The following PHF14 variants were observed in gnomAD, a reference collection of about 807,000 sequenced individuals.
PHF14 encodes PHD finger protein 14.
Under a neutral mutation model 117.9 loss-of-function variants are expected in PHF14, and 55 were observed. The ratio of observed to expected loss-of-function variants is 0.47; its 90% CI spans 0.38 to 0.58. PHF14 has a LOEUF of 0.58. Ranked by LOEUF, PHF14 falls within the 20% of genes least tolerant of loss-of-function variation. The pLI is 0.00. For synonymous variants in PHF14, 409 were observed against 368.6 expected (o/e 1.11, Z -1.26); for missense variants, 978 against 1,122.2 (o/e 0.87, Z 1.84).
intron 16 of PHF14, among the ~76,000 whole-genome samples, chr7:11,095,785 A>G (rs1214314597): frequency 6.6e-6 from 1 of 152,198 alleles, no homozygotes; most frequent in Non-Finnish European, 1.5e-5. Flanking sequence ...GTAAGTATCA[A>G]GCATCATCAC....
chr7:11,012,925 C>A (rs1373226592), intron 4 of PHF14, among the ~76,000 whole-genome samples: 1 of 152,132 alleles, frequency 6.6e-6, no homozygotes, highest in Non-Finnish European at 1.5e-5. Flanking sequence ...ACTTTTCAAA[C>A]TGTTCTATAG....
chr7:11,064,307 C>T (rs1430694893), intron 16 of PHF14, among the ~76,000 whole-genome samples: 2 of 150,830 alleles, frequency 1.3e-5, no homozygotes, highest in African/African-American at 4.9e-5. Context: ...TGAAAATCAC[C>T]CCCCAAAAGT....
chr7:11,023,083 G>C, intron 6 of PHF14, 104 bp downstream of exon 6: 1 of 554,012 alleles, frequency 1.8e-6, no homozygotes, highest in Non-Finnish European at 3.2e-6. Context: ...TGCTTACTAG[G>C]AATCATTCTA....
chr7:11,128,223 T>A (rs2128347994), intron 17 of PHF14, among the ~76,000 whole-genome samples: 2 of 152,184 alleles, frequency 1.3e-5, no homozygotes, highest in Non-Finnish European at 2.9e-5. Context: ...TCAGATTTCT[T>A]ATAGCAGTTA....
intron 16 of PHF14, 42 bp downstream of exon 16, chr7:11,062,127 T>G: frequency 1.3e-6 from 2 of 1,520,690 alleles, no homozygotes; most frequent in East Asian, 4.6e-5. Context: ...GGATGAAAGT[T>G]CTATATTTAT....
chr7:11,072,379 A>T (rs1028712544), intron 16 of PHF14, among the ~76,000 whole-genome samples: 2 of 152,154 alleles, frequency 1.3e-5, no homozygotes, highest in African/African-American at 2.4e-5. Flanking sequence ...ATCAGGTCCC[A>T]TTTCCAACAT....
chr7:11,051,856 G>A (rs752220769), intron 14 of PHF14, 76 bp downstream of exon 14: 95 of 1,203,032 alleles, frequency 7.9e-5, no homozygotes, highest in Middle Eastern at 1.9e-4. Context: ...AAGACACAGG[G>A]CAAACATATA....
intron 17 of PHF14, among the ~76,000 whole-genome samples, chr7:11,154,730 T>G (rs186778984): frequency 6.6e-6 from 1 of 152,160 alleles, no homozygotes; most frequent in African/African-American, 2.4e-5. Flanking sequence ...AAAATGCTAA[T>G]CAGATGCCCG....
chr7:11,050,207 A>C (rs1784809706), intron 13 of PHF14, among the ~76,000 whole-genome samples: 1 of 152,194 alleles, frequency 6.6e-6, no homozygotes, highest in East Asian at 1.9e-4. Flanking sequence ...AAAGATGTGA[A>C]TTTTGATGGA....
chr7:11,138,299 C>A (rs947867666), intron 17 of PHF14, among the ~76,000 whole-genome samples: 1 of 152,060 alleles, frequency 6.6e-6, no homozygotes, highest in Non-Finnish European at 1.5e-5. Context: ...CCTCGGCCCC[C>A]CAAAGTGCTG....
rs925377794 is a variant in PHF14, at chr7:11,062,623, GTCTTTGTT to G, written c.2654+549_2654+556del. The G allele has an allele frequency of 2.7e-5, 24 of 889,108 alleles. No homozygotes were observed. The Admixed American group carries it at 8.1e-4, about 30-fold the overall frequency. The allele number at this position is 889,108 out of a possible 1,614,324, so 55.1% of individuals were successfully genotyped here. On this transcript the variant is annotated intron_variant, in intron 16 of 17. Transcript: ENST00000634607. ...CTAGGTTGATTTTATTTTTTGTTTT[GTCTTTGTT>G]TCTTTGTTTCGTTTTGGTACTTTAT...
rs371367280 is a variant in PHF14, at chr7:11,036,510, G to A, written c.1695G>A (p.Leu565=). The change falls in exon 9 of 18, where the codon TTG becomes TTA. Residue 565 remains leucine, a synonymous_variant. Transcript: ENST00000634607. ...AGGCCTGGGTTCCAAGGGAAAAATT[G>A]CCCAGACCACTCACCAGCAGTGCTT... ...RPQAWVPREK[L]PRPLTSSASA... is the part of the protein sequence containing the mutation. 1 of 1,613,922 alleles carries A rather than the reference G, an allele frequency of 6.2e-7. No individual in the cohort carries two copies. Among genetic ancestry groups the A allele is most frequent in the South Asian group, 1.1e-5 (1 of 91,088 alleles).
chr7:11,022,335 A>G (rs1278111943), intron 5 of PHF14, among the ~76,000 whole-genome samples: 1 of 152,182 alleles, frequency 6.6e-6, no homozygotes, highest in Non-Finnish European at 1.5e-5. Context: ...CTGGAAAGGA[A>G]GTTAAAACTG....
intron 17 of PHF14, among the ~76,000 whole-genome samples, chr7:11,154,113 C>T (rs1193213231): frequency 1.3e-5 from 2 of 152,134 alleles, no homozygotes; most frequent in South Asian, 4.2e-4. Flanking sequence ...TGGATTTAAC[C>T]AGGTTATTTA....
At chr7:10,977,574 C>T (rs1021465694) in intron 2 of PHF14, among the ~76,000 whole-genome samples, 5 of 152,136 alleles carry the variant, frequency 3.3e-5, no homozygotes, top group South Asian at 2.1e-4. Context: ...CAAGTGATTA[C>T]GAGCCTGTAC....
Position 11,063,841 on chromosome 7 carries a change from C to A in PHF14, c.2654+1756C>A, listed in dbSNP as rs566677934. On this transcript the variant is annotated intron_variant, in intron 16 of 17. Coordinates refer to ENST00000634607, the MANE Select transcript of PHF14 (RefSeq NM_001007157.2). ...TAGTATTACTCTATGTTATTTATTT[C>A]TTTAGTTTCTGTTATGAAATTTTTA... The A allele has an allele frequency of 2.4e-3, 606 of 255,520 alleles. 1 individual carries two copies. Among genetic ancestry groups the A allele is most frequent in the Non-Finnish European group, 3.1e-3 (502 of 162,920 alleles). The allele number at this position is 255,520 out of a possible 1,614,324, so 15.8% of individuals were successfully genotyped here.
At chr7:11,127,249 T>TTC (rs1314372491) in intron 17 of PHF14, among the ~76,000 whole-genome samples, 3 of 151,720 alleles carry the variant, frequency 2.0e-5, no homozygotes, top group Non-Finnish European at 4.4e-5. Flanking sequence ...CCCTCCTTTT[T>TTC]TTTTTTTGAC....
At chr7:10,975,560 C>G (rs931265787) in intron 2 of PHF14, among the ~76,000 whole-genome samples, 2 of 152,040 alleles carry the variant, frequency 1.3e-5, no homozygotes, top group African/African-American at 4.8e-5. Context: ...AACTGGAAAA[C>G]AGAAAAGTAT....
intron 5 of PHF14, among the ~76,000 whole-genome samples, chr7:11,018,199 C>G (rs932814000): frequency 6.6e-6 from 1 of 151,722 alleles, no homozygotes; most frequent in Non-Finnish European, 1.5e-5. Context: ...TAGTATGATT[C>G]TTTTTTGCTT....
Sources: gnomAD v4.1 joint callset for allele counts (sites outside exome capture counted in the v4.1 genomes callset) on GRCh38, gnomAD v4.1.1 for gene constraint, MANE v1.5 for transcripts, NCBI Gene and HGNC (gene_info 2026-07-23, HGNC 2026-07-21) for gene names.